Variants in DYNC1I1 observed in about 807,000 individuals in gnomAD.
DYNC1I1 encodes dynein cytoplasmic 1 intermediate chain 1, also known as cytoplasmic dynein 1 intermediate chain 1.
A neutral mutation model predicts 86.6 loss-of-function variants in DYNC1I1; 43 were observed. That is an observed-to-expected ratio of 0.50 (90% confidence interval 0.39 to 0.64). The LOEUF (loss-of-function observed/expected upper bound fraction) is 0.64, where lower values mean the gene tolerates loss of function less well. DYNC1I1 is among the 30% of genes least tolerant of loss of function. DYNC1I1 has a pLI of 0.00. For synonymous variants in DYNC1I1, 262 were observed against 283.7 expected (o/e 0.92, Z 0.77); for missense variants, 604 against 788.8 (o/e 0.77, Z 2.81).
chr7:96,050,383 C>T (rs183569444), intron 14 of DYNC1I1, among the ~76,000 whole-genome samples: 26 of 152,250 alleles, frequency 1.7e-4, no homozygotes, highest in African/African-American at 6.3e-4. Context: ...TAAAATGAAA[C>T]TTCTCTACAT....
At chr7:95,858,747 T>C (rs1429115274) in intron 5 of DYNC1I1, among the ~76,000 whole-genome samples, 1 of 151,660 alleles carries the variant, frequency 6.6e-6, no homozygotes, top group Non-Finnish European at 1.5e-5. Flanking sequence ...TGGTTCATGA[T>C]AGTATGTCTT....
intron 10 of DYNC1I1, among the ~76,000 whole-genome samples, chr7:96,026,390 T>A (rs1317589011): frequency 6.6e-6 from 1 of 152,092 alleles, no homozygotes; most frequent in Non-Finnish European, 1.5e-5. Flanking sequence ...TTTTAATAGA[T>A]GTTTAGTTTA....
chr7:96,065,691 C>T (rs544886166), intron 14 of DYNC1I1, among the ~76,000 whole-genome samples: 18 of 152,226 alleles, frequency 1.2e-4, no homozygotes, highest in African/African-American at 3.6e-4. Context: ...CCGAGCATCC[C>T]GGCTCTTTCC....
intron 5 of DYNC1I1, among the ~76,000 whole-genome samples, chr7:95,829,477 T>C (rs536048711): frequency 6.6e-6 from 1 of 152,250 alleles, no homozygotes; most frequent in Admixed American, 6.5e-5. Flanking sequence ...GAATGTATGG[T>C]AAGTTATAGT....
intron 6 of DYNC1I1, among the ~76,000 whole-genome samples, chr7:95,911,391 G>A (rs1398683691): frequency 6.6e-6 from 1 of 152,072 alleles, no homozygotes; most frequent in African/African-American, 2.4e-5. Flanking sequence ...ACCCCACAGA[G>A]GTGACACAGG....
At chr7:95,871,586 T>A (rs989837526) in intron 6 of DYNC1I1, among the ~76,000 whole-genome samples, 1 of 152,170 alleles carries the variant, frequency 6.6e-6, no homozygotes, top group Middle Eastern at 3.2e-3. Flanking sequence ...GTTATACAAC[T>A]GAAATAGGAG....
chr7:96,086,389 A>C (rs1372471851), intron 16 of DYNC1I1, among the ~76,000 whole-genome samples: 1 of 152,230 alleles, frequency 6.6e-6, no homozygotes, highest in Non-Finnish European at 1.5e-5. Context: ...TATATTTTAC[A>C]GTAGTCAAAT....
intron 14 of DYNC1I1, among the ~76,000 whole-genome samples, chr7:96,067,681 G>A (rs531266240): frequency 6.6e-6 from 1 of 152,124 alleles, no homozygotes; most frequent in South Asian, 2.1e-4. Context: ...ATTCATAAAG[G>A]TACAAACACT....
At chr7:95,911,160 C>T (rs886998723) in intron 6 of DYNC1I1, among the ~76,000 whole-genome samples, 1 of 152,150 alleles carries the variant, frequency 6.6e-6, no homozygotes, top group African/African-American at 2.4e-5. Context: ...AATAGACCAA[C>T]AAGGCTTGAT....
intron 4 of DYNC1I1, among the ~76,000 whole-genome samples, chr7:95,814,529 T>A (rs948874913): frequency 2.2e-4 from 34 of 152,286 alleles, no homozygotes; most frequent in African/African-American, 8.2e-4. Flanking sequence ...TTTGCATTTT[T>A]CTCTTTTCAC....
chr7:96,062,422 T>A (rs914803842), intron 14 of DYNC1I1, among the ~76,000 whole-genome samples: 3 of 151,802 alleles, frequency 2.0e-5, no homozygotes, highest in Non-Finnish European at 4.4e-5. Flanking sequence ...TTCCTTCTTT[T>A]GTTTTTTTCT....
At chr7:95,789,019 T>A (rs1794220700) in intron 1 of DYNC1I1, among the ~76,000 whole-genome samples, 1 of 152,214 alleles carries the variant, frequency 6.6e-6, no homozygotes, top group African/African-American at 2.4e-5. Context: ...CATCCTATTT[T>A]CACTCAAAGT....
At chr7:96,103,962 G>A (rs181634421) in intron 16 of DYNC1I1, among the ~76,000 whole-genome samples, 30 of 152,192 alleles carry the variant, frequency 2.0e-4, no homozygotes, top group African/African-American at 6.5e-4. Context: ...TGGTATTGTA[G>A]GTCTTCTTAT....
chr7:95,921,617 C>CT (rs1158778864), intron 6 of DYNC1I1, among the ~76,000 whole-genome samples: 1 of 152,172 alleles, frequency 6.6e-6, no homozygotes, highest in Admixed American at 6.6e-5. Flanking sequence ...CAATTGTTCT[C>CT]TTGTCTGCAC....
chr7:95,815,577 T>C (rs1025999635), intron 4 of DYNC1I1, among the ~76,000 whole-genome samples: 6 of 152,168 alleles, frequency 3.9e-5, no homozygotes, highest in African/African-American at 1.4e-4. Flanking sequence ...CAGGAGAATG[T>C]TATATTTCAG....
At chr7:95,996,231 G>C (rs894600763) in intron 10 of DYNC1I1, among the ~76,000 whole-genome samples, 158 bp downstream of exon 10, 1 of 152,114 alleles carries the variant, frequency 6.6e-6, no homozygotes, top group African/African-American at 2.4e-5. Flanking sequence ...TAATGTTTTG[G>C]GAAAGTGGCA....
At chr7:95,980,789 C>A (rs572355499) in intron 7 of DYNC1I1, among the ~76,000 whole-genome samples, 1 of 152,206 alleles carries the variant, frequency 6.6e-6, no homozygotes, top group African/African-American at 2.4e-5. Flanking sequence ...TCAGTGTCCT[C>A]ATGTCTTCAT....
At chr7:95,840,456 T>C (rs371174523) in intron 5 of DYNC1I1, among the ~76,000 whole-genome samples, 1 of 152,236 alleles carries the variant, frequency 6.6e-6, no homozygotes, top group African/African-American at 2.4e-5. Context: ...TTTGTCAAGA[T>C]TCTCACATTG....
At chr7:96,048,569 A>G (rs1392062178) in intron 14 of DYNC1I1, among the ~76,000 whole-genome samples, 1 of 152,202 alleles carries the variant, frequency 6.6e-6, no homozygotes. Context: ...AGTAATCCAG[A>G]TGTTGCTAAA....
Sources: allele counts gnomAD v4.1 joint callset (sites outside exome capture counted in the v4.1 genomes callset), GRCh38; gene constraint gnomAD v4.1.1; transcripts MANE v1.5; gene names NCBI Gene and HGNC (gene_info 2026-07-23, HGNC 2026-07-21).